Variants in AGBL1 observed in about 807,000 individuals in gnomAD.
The protein encoded by AGBL1 is AGBL carboxypeptidase 1.
In AGBL1, 130 loss-of-function variants were observed where a neutral mutation model predicts 118.9. The ratio of observed to expected loss-of-function variants is 1.09; its 90% CI spans 0.95 to 1.26. The LOEUF is 1.26. Among genes scored for constraint, AGBL1 ranks in the 50% most tolerant of loss-of-function variants. The pLI is 0.00. For missense variants in AGBL1, 1,584 were observed against 1,298.1 expected (o/e 1.22, Z -3.38); for synonymous variants, 555 against 478.9 (o/e 1.16, Z -2.08).
rs187405721 is a variant in AGBL1, at chr15:86,384,102, C to T, written c.2375-13264C>T. On this transcript the variant is annotated intron_variant, in intron 17 of 22. Transcript: ENST00000614907. ...TGGTGATGTGTCTAGATTGCTGTACCGCGTGGGCTCCATTGAGGTAGTGCT... is the reference window on the plus strand; with the variant it reads ...TGGTGATGTGTCTAGATTGCTGTACTGCGTGGGCTCCATTGAGGTAGTGCT... Among the ~76,000 whole-genome samples, 205 of 152,226 alleles carry T rather than the reference C, an allele frequency of 1.3e-3. 2 individuals carry two copies. Among genetic ancestry groups the T allele is most frequent in the African/African-American group, 4.3e-3 (179 of 41,518 alleles).
downstream of AGBL1, among the ~76,000 whole-genome samples, chr15:86,917,560 G>T (rs2080439015): frequency 6.6e-6 from 1 of 152,202 alleles, no homozygotes; most frequent in Non-Finnish European, 1.5e-5. The surrounding 1 kb of genome is among the most constrained non-coding windows in gnomAD (Gnocchi z 4.8). Context: ...CAGCCACAGG[G>T]CAAGTAAACA....
intron 5 of AGBL1, among the ~76,000 whole-genome samples, chr15:86,191,904 TAAA>T (rs556032879): frequency 7.4e-6 from 1 of 135,996 alleles, no homozygotes; most frequent in Non-Finnish European, 1.6e-5. Context: ...CCCTGTCTCT[TAAA>T]AAAAAAAAAA....
intron 18 of AGBL1, among the ~76,000 whole-genome samples, chr15:86,410,655 G>A (rs1212808118): frequency 6.7e-6 from 1 of 150,272 alleles, no homozygotes; most frequent in South Asian, 2.1e-4. Context: ...CAGTGGTAGG[G>A]CATCTATGTT....
At chr15:86,531,823 T>C (rs1277483599) in intron 19 of AGBL1, among the ~76,000 whole-genome samples, 3 of 140,958 alleles carry the variant, frequency 2.1e-5, no homozygotes, top group Non-Finnish European at 4.6e-5. Context: ...AATCAATAAA[T>C]GTAATCCAGC....
At chr15:86,121,935 G>T (rs1009258722) in intron 1 of AGBL1, among the ~76,000 whole-genome samples, 2 of 152,166 alleles carry the variant, frequency 1.3e-5, no homozygotes, top group Admixed American at 1.3e-4. Flanking sequence ...TGAAAAGGAG[G>T]ACTTTCATAC....
chr15:86,271,862 G>C (rs2079167958), intron 15 of AGBL1, among the ~76,000 whole-genome samples, 156 bp downstream of exon 15: 1 of 152,234 alleles, frequency 6.6e-6, no homozygotes, highest in Non-Finnish European at 1.5e-5. Flanking sequence ...GCCCTTCAGA[G>C]ATATAAGCAT....
intron 22 of AGBL1, among the ~76,000 whole-genome samples, chr15:86,884,783 G>A (rs540913808): frequency 2.0e-5 from 3 of 151,876 alleles, no homozygotes; most frequent in African/African-American, 7.3e-5. Context: ...CTGCACTCCA[G>A]CCTGGGTGAT....
At chr15:86,218,519 G>A (rs2141909655) in intron 5 of AGBL1, among the ~76,000 whole-genome samples, 1 of 152,298 alleles carries the variant, frequency 6.6e-6, no homozygotes, top group African/African-American at 2.4e-5. Context: ...GGATGGGAAA[G>A]AGCTGAAACT....
At chr15:86,131,056 G>C (rs529144264) in intron 1 of AGBL1, among the ~76,000 whole-genome samples, 2 of 152,104 alleles carry the variant, frequency 1.3e-5, no homozygotes, top group Non-Finnish European at 2.9e-5. Context: ...GGGTCTTTCC[G>C]TATGGCAAGA....
At position 86,298,245 on chromosome 15, in the gene AGBL1, TAATA is replaced by T. The variant is rs748720695; in HGVS notation, c.2374+2838_2374+2841del. Among the ~76,000 whole-genome samples, 8 of 39,614 alleles carry T rather than the reference TAATA, an allele frequency of 2.0e-4. 1 individual carries two copies. Among genetic ancestry groups the T allele is most frequent in the African/African-American group, 3.1e-4 (3 of 9,766 alleles). 26.0% of individuals were successfully genotyped at this position (39,614 alleles called of 152,430 possible). A position where few individuals can be genotyped will look rare whatever the true frequency, so the allele number is the denominator to read the frequency against. On this transcript the variant is annotated intron_variant, in intron 17 of 22. Transcript: ENST00000614907. ...TGTATACAGGGTACGTGTCTGTGTATAATATATATATATATATATATATATATAT... is the reference window on the plus strand; with the variant it reads ...TGTATACAGGGTACGTGTCTGTGTATTATATATATATATATATATATATAT...
At chr15:86,317,879 A>G (rs200028609) in intron 17 of AGBL1, among the ~76,000 whole-genome samples, 3 of 152,234 alleles carry the variant, frequency 2.0e-5, no homozygotes, top group East Asian at 3.8e-4. Flanking sequence ...GTGGAAGACT[A>G]TAGAATATAA....
chr15:86,140,813 A>G (rs2076952969), intron 1 of AGBL1, among the ~76,000 whole-genome samples: 1 of 152,216 alleles, frequency 6.6e-6, no homozygotes, highest in African/African-American at 2.4e-5. Context: ...TGGTTTGAGC[A>G]GGAAACTCCA....
At chr15:86,902,386 T>C (rs1229852040) in intron 22 of AGBL1, among the ~76,000 whole-genome samples, 1 of 151,664 alleles carries the variant, frequency 6.6e-6, no homozygotes, top group African/African-American at 2.4e-5. Context: ...TAAATATTTA[T>C]ATAATATAGT....
intron 24 of AGBL1, among the ~76,000 whole-genome samples, chr15:87,013,561 GATTT>G (rs571767682): frequency 7.7e-4 from 116 of 151,258 alleles, no homozygotes; most frequent in Admixed American, 7.6e-3. Flanking sequence ...GACTCCTAAA[GATTT>G]ATTTTGGTTG....
At chr15:86,934,889 T>C (rs1434105588) in intron 23 of AGBL1, among the ~76,000 whole-genome samples, 1 of 152,172 alleles carries the variant, frequency 6.6e-6, no homozygotes, top group African/African-American at 2.4e-5. Flanking sequence ...TTTGGGGAAA[T>C]TGTTGGTAGG....
intron 24 of AGBL1, chr15:86,988,220 AC>A: frequency 9.0e-7 from 1 of 1,113,828 alleles, no homozygotes; most frequent in Non-Finnish European, 1.3e-6. Context: ...AAAACAACAT[AC>A]CCTTCAGCTT....
intron 18 of AGBL1, among the ~76,000 whole-genome samples, chr15:86,427,795 T>C (rs1162863003): frequency 6.6e-6 from 1 of 152,194 alleles, no homozygotes; most frequent in Non-Finnish European, 1.5e-5. Context: ...TTTGTGCTTG[T>C]TTAGGCCTAT....
At chr15:86,979,356 C>A (rs2081206088) in intron 23 of AGBL1, among the ~76,000 whole-genome samples, 1 of 152,120 alleles carries the variant, frequency 6.6e-6, no homozygotes, top group Non-Finnish European at 1.5e-5. Context: ...ATTTGTTTCC[C>A]CCAATGTCCT....
Position 86,441,157 on chromosome 15 carries a change from G to C in AGBL1, c.2555+43611G>C, listed in dbSNP as rs8040289. Among the ~76,000 whole-genome samples the C allele has an allele frequency of 2.1e-3, 317 of 152,192 alleles. 1 individual carries two copies. Among genetic ancestry groups the C allele is most frequent in the Admixed American group, 8.4e-3 (129 of 15,286 alleles). On this transcript the variant is annotated intron_variant, in intron 18 of 22. Coordinates refer to ENST00000614907, the MANE Select transcript of AGBL1 (RefSeq NM_001386094.1). Reference sequence around the variant, plus strand: ...AAGAGCTGTATTATAAAGGGTGCTCGGTGTGGTTATTGTGCCACGTGACTG... The same window carrying C: ...AAGAGCTGTATTATAAAGGGTGCTCCGTGTGGTTATTGTGCCACGTGACTG...
Sources: allele counts gnomAD v4.1 joint callset (sites outside exome capture counted in the v4.1 genomes callset), GRCh38; gene constraint gnomAD v4.1.1; non-coding constraint Gnocchi (gnomAD v3.1); transcripts MANE v1.5; gene names NCBI Gene and HGNC (gene_info 2026-07-23, HGNC 2026-07-21).